The following PRKG1 variants were observed in gnomAD, a reference collection of about 807,000 sequenced individuals.
PRKG1 encodes the protein protein kinase cGMP-dependent 1, also known as cGMP-dependent protein kinase 1.
PRKG1 carries 35 observed loss-of-function variants against 88.1 expected under a neutral mutation model. The observed-to-expected ratio is 0.40, with a 90% CI of 0.30 to 0.53. The LOEUF (loss-of-function observed/expected upper bound fraction) is 0.53, where lower values mean the gene tolerates loss of function less well. PRKG1 is among the 20% of genes least tolerant of loss of function. The pLI is 0.59. For synonymous variants in PRKG1, 303 were observed against 292.5 expected, an observed-to-expected ratio of 1.04 and a Z score of -0.37; for missense variants, 540 against 839.8, an observed-to-expected ratio of 0.64 and a Z score of 4.41.
chr10:51,256,196 A>G (rs890839904), intron 2 of PRKG1, among the ~76,000 whole-genome samples: 10 of 152,160 alleles, frequency 6.6e-5, no homozygotes, highest in Admixed American at 1.3e-4. Flanking sequence ...GAGCCCCCAC[A>G]GACCTCTGCT....
At chr10:51,261,881 ATTTTTTT>A in intron 2 of PRKG1, among the ~76,000 whole-genome samples, 2 of 120,612 alleles carry the variant, frequency 1.7e-5, no homozygotes, top group Admixed American at 8.6e-5. Context: ...GGATTTTCTA[ATTTTTTT>A]TTTTTTTTTT....
At chr10:51,876,145 C>G (rs1421572873) in intron 4 of PRKG1, among the ~76,000 whole-genome samples, 4 of 152,084 alleles carry the variant, frequency 2.6e-5, no homozygotes, top group Admixed American at 2.6e-4. Flanking sequence ...AATAAATAAA[C>G]TTGCCACAAG....
chr10:51,374,515 C>G (rs1263193978), intron 2 of PRKG1, among the ~76,000 whole-genome samples: 1 of 152,034 alleles, frequency 6.6e-6, no homozygotes, highest in African/African-American at 2.4e-5. Flanking sequence ...CTTGAGGACT[C>G]CTCCCACATA....
chr10:51,382,650 G>A (rs1240472540), intron 2 of PRKG1, among the ~76,000 whole-genome samples: 6 of 152,198 alleles, frequency 3.9e-5, no homozygotes, highest in African/African-American at 1.4e-4. Flanking sequence ...GGTAGAAAGT[G>A]TCAAAGTGCC....
At chr10:52,156,742 T>C (rs963055972) in intron 8 of PRKG1, among the ~76,000 whole-genome samples, 9 of 151,892 alleles carry the variant, frequency 5.9e-5, no homozygotes, top group African/African-American at 1.7e-4. Flanking sequence ...AGGGATTTTC[T>C]GCATAAGTGT....
In PRKG1 at chr10:51,602,732, ATGTGTGTGTGTGTGTGTGTG is replaced by A. The variant is rs4041278; in HGVS notation, c.592+134926_592+134945del. Among the ~76,000 whole-genome samples, 110 of 128,920 alleles carry A rather than the reference ATGTGTGTGTGTGTGTGTGTG, an allele frequency of 8.5e-4. 3 individuals carry two copies. The highest frequency in any genetic ancestry group is 3.6e-3 in the African/African-American group (96 of 26,502). 84.6% of individuals were successfully genotyped at this position (128,920 alleles called of 152,430 possible). A position where few individuals can be genotyped will look rare whatever the true frequency, so the allele number is the denominator to read the frequency against. The stretch of plus-strand genomic sequence containing the variant: ...GCCTGGCTGGCTTTGATTAATATAT[ATGTGTGTGTGTGTGTGTGTG>A]TGTGTGTGTGTGTGTGTGTGTGTGT... On this transcript the variant is annotated intron_variant, in intron 3 of 17. Transcript: ENST00000373980.
intron 5 of PRKG1, among the ~76,000 whole-genome samples, chr10:52,000,976 T>G (rs1174655221): frequency 6.6e-6 from 1 of 151,924 alleles, no homozygotes; most frequent in African/African-American, 2.4e-5. Context: ...TACCCTGAAG[T>G]TTTGTACCCT....
At chr10:51,659,663 G>C (rs1045225077) in intron 3 of PRKG1, among the ~76,000 whole-genome samples, 1 of 152,078 alleles carries the variant, frequency 6.6e-6, no homozygotes, top group Non-Finnish European at 1.5e-5. Flanking sequence ...CAACAAGGCA[G>C]ATTCAGGTTT....
chr10:51,827,728 A>T (rs940837474), intron 4 of PRKG1, among the ~76,000 whole-genome samples: 1 of 152,114 alleles, frequency 6.6e-6, no homozygotes, highest in Admixed American at 6.6e-5. Context: ...TTACTTTCTA[A>T]CTGGAAAAAT....
At chr10:52,164,283 G>T (rs1290003270) in intron 9 of PRKG1, among the ~76,000 whole-genome samples, 1 of 151,970 alleles carries the variant, frequency 6.6e-6, no homozygotes, top group Non-Finnish European at 1.5e-5. Flanking sequence ...CCTGGGAGGT[G>T]GAGGTTGCCG....
chr10:51,500,945 G>A (rs1841007897), intron 3 of PRKG1, among the ~76,000 whole-genome samples: 1 of 152,084 alleles, frequency 6.6e-6, no homozygotes. Context: ...TGTGTTTTTT[G>A]CCATTATTTT....
intron 3 of PRKG1, among the ~76,000 whole-genome samples, chr10:51,728,475 T>G (rs1478882320): frequency 4.8e-5 from 6 of 124,984 alleles, no homozygotes; most frequent in Admixed American, 1.5e-4. Flanking sequence ...TTTTTTTTTT[T>G]TTTTTAATCA....
intron 5 of PRKG1, among the ~76,000 whole-genome samples, chr10:51,939,883 T>G (rs1345565142): frequency 1.3e-5 from 2 of 151,968 alleles, no homozygotes; most frequent in Non-Finnish European, 2.9e-5. Context: ...TTACATTCTC[T>G]TAGTTATTCC....
chr10:52,061,634 A>C (rs879372448), intron 6 of PRKG1, among the ~76,000 whole-genome samples: 2 of 152,146 alleles, frequency 1.3e-5, no homozygotes, highest in Non-Finnish European at 2.9e-5. Flanking sequence ...ACATTCTGTT[A>C]AAACAATTTA....
At chr10:51,702,045 T>C (rs1356490888) in intron 3 of PRKG1, among the ~76,000 whole-genome samples, 1 of 152,204 alleles carries the variant, frequency 6.6e-6, no homozygotes, top group Non-Finnish European at 1.5e-5. Flanking sequence ...TTTGGTACAC[T>C]CTATTAAAAG....
chr10:51,645,216 G>C (rs978247319), intron 3 of PRKG1, among the ~76,000 whole-genome samples: 1 of 152,144 alleles, frequency 6.6e-6, no homozygotes, highest in Non-Finnish European at 1.5e-5. Context: ...AATATCAGCT[G>C]TTTGTTTACA....
chr10:51,325,304 A>G (rs1841560804), intron 2 of PRKG1, among the ~76,000 whole-genome samples: 1 of 152,170 alleles, frequency 6.6e-6, no homozygotes, highest in South Asian at 2.1e-4. Context: ...TCTGTCACCC[A>G]GGCTGGAGTA....
chr10:51,535,945 C>T (rs893275287), intron 3 of PRKG1, among the ~76,000 whole-genome samples: 9 of 151,950 alleles, frequency 5.9e-5, no homozygotes, highest in Non-Finnish European at 8.8e-5. Flanking sequence ...CTGGTCCTGA[C>T]CTCCTGACCT....
Position 51,785,134 on chromosome 10 carries a change from TTTTTAATAAATATCC to T in PRKG1, c.593-19449_593-19435del, listed in dbSNP as rs1257597619. Reference sequence around the variant, plus strand: ...TCTTGATTTCTTCTTCTTTTTTTTTTTTTTAATAAATATCCTAAAAAGACTAAGTTTGTTCTCCTG... The same window carrying T: ...TCTTGATTTCTTCTTCTTTTTTTTTTTAAAAAGACTAAGTTTGTTCTCCTG... On this transcript the variant is annotated intron_variant, in intron 3 of 17. Transcript: ENST00000373980. Among the ~76,000 whole-genome samples, 604 of 151,816 alleles carry T rather than the reference TTTTTAATAAATATCC, an allele frequency of 4.0e-3. 1 individual carries two copies. Among genetic ancestry groups the T allele is most frequent in the African/African-American group, 0.014 (584 of 41,436 alleles).
Sources: allele counts gnomAD v4.1 joint callset (sites outside exome capture counted in the v4.1 genomes callset), GRCh38; gene constraint gnomAD v4.1.1; transcripts MANE v1.5; gene names NCBI Gene and HGNC (gene_info 2026-07-23, HGNC 2026-07-21).